Variants in FUT8 observed in about 807,000 individuals in gnomAD.
The protein encoded by FUT8 is fucosyltransferase 8, also known as alpha-(1,6)-fucosyltransferase.
A neutral mutation model predicts 71.3 loss-of-function variants in FUT8; 29 were observed. The ratio of observed to expected loss-of-function variants is 0.41; its 90% CI spans 0.30 to 0.55. The LOEUF is 0.55. Among genes scored for constraint, FUT8 ranks in the 20% least tolerant of loss-of-function variants. The pLI, the probability that FUT8 is intolerant of heterozygous loss-of-function variation, is 0.34. For missense variants in FUT8, 544 were observed against 702.1 expected, an observed-to-expected ratio of 0.77 and a Z score of 2.55; for synonymous variants, 254 against 239.3, an observed-to-expected ratio of 1.06 and a Z score of -0.57.
chr14:65,535,717 G>C (rs1884260902), intron 2 of FUT8, among the ~76,000 whole-genome samples: 2 of 152,176 alleles, frequency 1.3e-5, no homozygotes, highest in South Asian at 4.1e-4. Flanking sequence ...GTCAGTTTTA[G>C]AGTATGTGCC....
chr14:65,724,586 T>C (rs963125226), intron 9 of FUT8, among the ~76,000 whole-genome samples: 2 of 152,204 alleles, frequency 1.3e-5, no homozygotes, highest in African/African-American at 4.8e-5. Flanking sequence ...ATTATTATCA[T>C]TAAAAGTATC....
rs1458110381 is a variant in FUT8, at chr14:65,692,449, C to T, written c.835+22969C>T. Among the ~76,000 whole-genome samples the T allele has an allele frequency of 7.2e-5, 8 of 111,104 alleles. 2 individuals are homozygous for T. The South Asian group carries it at 2.2e-3, about 31-fold the overall frequency. The allele number at this position is 111,104 out of a possible 152,430, so 72.9% of individuals were successfully genotyped here. A position where few individuals can be genotyped will look rare whatever the true frequency, so the allele number is the denominator to read the frequency against. ...CTCCCGGACGGGGCGGCTGGCCGGG[C>T]GGGGGGCTGACCCCCCCACCTCCCT... On this transcript the variant is annotated intron_variant, in intron 7 of 10. Transcript: ENST00000673929.
the FUT8 span, among the ~76,000 whole-genome samples, chr14:65,377,987 CAG>C: frequency 1.3e-5 from 2 of 152,166 alleles, no homozygotes; most frequent in African/African-American, 4.8e-5. Context: ...AAGGAAAAGA[CAG>C]AGAAGAGATG....
At chr14:65,606,198 G>A (rs1214381287) in intron 3 of FUT8, among the ~76,000 whole-genome samples, 5 of 149,616 alleles carry the variant, frequency 3.3e-5, no homozygotes, top group African/African-American at 4.9e-5. Flanking sequence ...TCAGCCTCCC[G>A]AGTAGTTGGG....
intron 2 of FUT8, among the ~76,000 whole-genome samples, chr14:65,537,841 C>G (rs1389471453): frequency 2.0e-5 from 3 of 152,178 alleles, no homozygotes; most frequent in Non-Finnish European, 4.4e-5. Flanking sequence ...GTTCTGTGAA[C>G]TGTTGTGCTG....
At chr14:65,484,113 C>G (rs1355664112) in intron 2 of FUT8, among the ~76,000 whole-genome samples, 1 of 152,180 alleles carries the variant, frequency 6.6e-6, no homozygotes, top group Non-Finnish European at 1.5e-5. Flanking sequence ...TGAAAACCTG[C>G]TGTACTCATT....
In FUT8 at chr14:65,481,662, C is replaced by G. The variant is rs572700477; in HGVS notation, c.-228+25944C>G. On this transcript the variant is annotated intron_variant, in intron 2 of 10. Transcript: ENST00000673929. ...GAAAATCCTGAATTGCTTTTGGTCA[C>G]TATAAATTTAGTGCCTTTTCTAAAG... Among the ~76,000 whole-genome samples, 3 of 152,254 alleles carry G rather than the reference C, an allele frequency of 2.0e-5. No homozygotes were observed. In the East Asian group the frequency reaches 5.8e-4, roughly 29 times the overall value.
At chr14:65,689,772 C>T (rs1201495691) in intron 7 of FUT8, among the ~76,000 whole-genome samples, 2 of 152,206 alleles carry the variant, frequency 1.3e-5, no homozygotes, top group Non-Finnish European at 2.9e-5. Flanking sequence ...CTCCTGACCT[C>T]GTGATCCGCC....
chr14:65,553,826 C>T (rs575800742), intron 2 of FUT8, among the ~76,000 whole-genome samples: 5 of 151,032 alleles, frequency 3.3e-5, no homozygotes, highest in Non-Finnish European at 7.4e-5. Flanking sequence ...TTCTTTTTTC[C>T]TAGTTACCTG....
chr14:65,449,586 C>T (rs1038880532), intron 1 of FUT8, among the ~76,000 whole-genome samples: 5 of 152,166 alleles, frequency 3.3e-5, no homozygotes, highest in African/African-American at 9.7e-5. Context: ...CTTGTGTTTT[C>T]TCTCTTAACA....
At chr14:65,724,997 G>A (rs975372641) in intron 9 of FUT8, among the ~76,000 whole-genome samples, 7 of 152,114 alleles carry the variant, frequency 4.6e-5, no homozygotes, top group Admixed American at 6.5e-5. Context: ...ACGTTCAGTC[G>A]ATAACACTAG....
At chr14:65,420,552 C>A (rs921725344) in intron 1 of FUT8, among the ~76,000 whole-genome samples, 1 of 151,750 alleles carries the variant, frequency 6.6e-6, no homozygotes, top group Non-Finnish European at 1.5e-5. Flanking sequence ...AGTATAGTAC[C>A]TATCGTTTGC....
chr14:65,721,806 C>G lies in FUT8; in HGVS notation c.867C>G (p.Val289=), dbSNP rs778590604. The change falls in exon 8 of 11, where the codon GTC becomes GTG. Residue 289 remains valine (V), a synonymous_variant. Transcript: ENST00000673929. The part of the protein sequence containing the change: ...GEVKDKNVQV[V]ELPIVDSLHP... ...TGAAGGACAAAAATGTTCAAGTGGT[C>G]GAGCTTCCCATTGTAGACAGTCTTC... 1.2e-6 allele frequency: 2 copies of G among 1,614,056 alleles called. No homozygotes were observed. Among genetic ancestry groups the G allele is most frequent in the Admixed American group, 3.3e-5 (2 of 60,018 alleles).
intron 6 of FUT8, among the ~76,000 whole-genome samples, chr14:65,631,158 T>C (rs1890162015): frequency 6.6e-6 from 1 of 152,190 alleles, no homozygotes; most frequent in Non-Finnish European, 1.5e-5. Flanking sequence ...TTATCTCCTA[T>C]CAACTAGAAC....
intron 1 of FUT8, among the ~76,000 whole-genome samples, chr14:65,414,566 A>T (rs1018381274): frequency 1.3e-5 from 2 of 152,170 alleles, no homozygotes; most frequent in African/African-American, 4.8e-5. Flanking sequence ...AATCTTAATT[A>T]CTTGATTTGT....
intron 2 of FUT8, among the ~76,000 whole-genome samples, chr14:65,503,574 A>G (rs1003686395): frequency 2.6e-5 from 4 of 152,206 alleles, no homozygotes; most frequent in Admixed American, 1.3e-4. Context: ...AGTAATTTCT[A>G]TCTGCTAACA....
the FUT8 span, among the ~76,000 whole-genome samples, chr14:65,380,536 T>C: frequency 2.0e-5 from 3 of 152,162 alleles, no homozygotes; most frequent in Non-Finnish European, 4.4e-5. Flanking sequence ...TGGAAACAAT[T>C]TCTAGTGGTT....
At chr14:65,436,628 CAAAA>C (rs34862450) in intron 1 of FUT8, among the ~76,000 whole-genome samples, 17 of 129,146 alleles carry the variant, frequency 1.3e-4, no homozygotes, top group Middle Eastern at 3.7e-3. Context: ...GACTCCCTCT[CAAAA>C]AAAAAAAAAA....
the FUT8 span, among the ~76,000 whole-genome samples, chr14:65,384,482 A>T: frequency 1.3e-5 from 2 of 152,202 alleles, no homozygotes; most frequent in Non-Finnish European, 2.9e-5. This position sits in a 1 kb window ranked among gnomAD's most constrained non-coding sequence, Gnocchi z 4.2. Context: ...CCTTTTATGT[A>T]AAGTCTTCCA....
Sources: gnomAD v4.1 joint callset for allele counts (sites outside exome capture counted in the v4.1 genomes callset) on GRCh38, gnomAD v4.1.1 for gene constraint, Gnocchi (gnomAD v3.1) non-coding constraint, MANE v1.5 for transcripts, NCBI Gene and HGNC (gene_info 2026-07-23, HGNC 2026-07-21) for gene names.